The following NEK7 variants were observed in gnomAD, a reference collection of about 807,000 sequenced individuals.
NEK7 encodes the protein NIMA related kinase 7.
A neutral mutation model predicts 44.6 loss-of-function variants in NEK7; 18 were observed. That is an observed-to-expected ratio of 0.40 (90% CI 0.28 to 0.60). The LOEUF (loss-of-function observed/expected upper bound fraction) is 0.60, where lower values mean the gene tolerates loss of function less well. Ranked by LOEUF, NEK7 falls within the 20% of genes least tolerant of loss-of-function variation. The pLI is 0.38. For missense variants in NEK7, 256 were observed against 366.5 expected (o/e 0.70, Z 2.46); for synonymous variants, 130 against 121.1 (o/e 1.07, Z -0.48).
intron 9 of NEK7, among the ~76,000 whole-genome samples, chr1:198,309,036 A>G (rs560018626): frequency 3.9e-5 from 6 of 152,296 alleles, no homozygotes; most frequent in East Asian, 3.9e-4. Flanking sequence ...GAAAACAGAC[A>G]TTTAATGAAG....
intron 8 of NEK7, among the ~76,000 whole-genome samples, chr1:198,294,639 A>G (rs1654658298): frequency 6.6e-6 from 1 of 152,096 alleles, no homozygotes; most frequent in Admixed American, 6.5e-5. Context: ...AACTGAAATA[A>G]TTTATCACAT....
At chr1:198,301,043 A>G (rs1235964365) in intron 9 of NEK7, among the ~76,000 whole-genome samples, 2 of 152,226 alleles carry the variant, frequency 1.3e-5, no homozygotes, top group Non-Finnish European at 2.9e-5. Flanking sequence ...CTATTTGTTC[A>G]CAAACTTATC....
intron 1 of NEK7, among the ~76,000 whole-genome samples, chr1:198,167,444 A>G (rs1261122276): frequency 6.6e-6 from 1 of 152,206 alleles, no homozygotes; most frequent in African/African-American, 2.4e-5. Context: ...ATATGCACTC[A>G]TTAACATGAT....
chr1:198,227,686 C>T (rs1666267434), intron 1 of NEK7, among the ~76,000 whole-genome samples: 1 of 152,206 alleles, frequency 6.6e-6, no homozygotes, highest in African/African-American at 2.4e-5. Flanking sequence ...AGTGTCTGTT[C>T]ATATCCTTCG....
chr1:198,275,774 A>G (rs1654000107), intron 5 of NEK7, among the ~76,000 whole-genome samples: 1 of 151,460 alleles, frequency 6.6e-6, no homozygotes, highest in Non-Finnish European at 1.5e-5. Context: ...CTTTTAAGAG[A>G]TAGCCAACAG....
intron 1 of NEK7, among the ~76,000 whole-genome samples, chr1:198,231,071 A>G (rs1418403716): frequency 6.6e-6 from 1 of 151,564 alleles, no homozygotes; most frequent in Non-Finnish European, 1.5e-5. Flanking sequence ...TACAATTCGT[A>G]TTAAAATCAG....
intron 3 of NEK7, chr1:198,256,305 C>T: frequency 1.9e-6 from 3 of 1,586,464 alleles, no homozygotes; most frequent in Non-Finnish European, 2.6e-6. Context: ...AGGATGTGTT[C>T]AGCTCTGGCC....
chr1:198,315,091 A>G (rs538163722), intron 9 of NEK7, among the ~76,000 whole-genome samples: 2 of 152,126 alleles, frequency 1.3e-5, no homozygotes, highest in African/African-American at 2.4e-5. Context: ...GGGAGACTCC[A>G]TGGGCGTAGG....
chr1:198,288,072 G>A (rs1368236221), intron 7 of NEK7, among the ~76,000 whole-genome samples: 1 of 152,032 alleles, frequency 6.6e-6, no homozygotes, highest in African/African-American at 2.4e-5. Context: ...TTCATTTTTG[G>A]TGCCAGGTGC....
intron 1 of NEK7, among the ~76,000 whole-genome samples, chr1:198,213,997 G>A (rs182075829): frequency 4.6e-5 from 7 of 152,280 alleles, no homozygotes; most frequent in Admixed American, 3.9e-4. Flanking sequence ...CCCCACAGGA[G>A]TCAGTGAATC....
intron 1 of NEK7, among the ~76,000 whole-genome samples, chr1:198,189,923 A>T (rs1665026599): frequency 6.6e-6 from 1 of 152,134 alleles, no homozygotes; most frequent in Non-Finnish European, 1.5e-5. Flanking sequence ...TGATATTTTT[A>T]AAAAGAGAGG....
intron 2 of NEK7, among the ~76,000 whole-genome samples, chr1:198,243,349 C>T (rs545432196): frequency 4.6e-5 from 7 of 152,182 alleles, no homozygotes; most frequent in African/African-American, 1.4e-4. Context: ...ATATCCTCCC[C>T]CAGTAATATT....
At chr1:198,259,220 T>C (rs1407518393) in intron 3 of NEK7, among the ~76,000 whole-genome samples, 2 of 152,200 alleles carry the variant, frequency 1.3e-5, no homozygotes, top group East Asian at 3.8e-4. Flanking sequence ...GTTTCTATCT[T>C]GATATGTTGT....
chr1:198,197,789 T>A, intron 1 of NEK7: 1 of 721,634 alleles, frequency 1.4e-6, no homozygotes. Context: ...TCAGTCAGAG[T>A]CACTGATGGA....
rs561588710 is a variant in NEK7 at position 198,215,679 on chromosome 1, G to A, written c.-28-16874G>A. Among the ~76,000 whole-genome samples, 18 of 151,858 alleles carry A rather than the reference G, an allele frequency of 1.2e-4. 1 individual carries two copies. The highest frequency in any genetic ancestry group is 1.2e-4 in the Non-Finnish European group (8 of 67,948). Reference sequence around the variant, plus strand: ...TTCAGGAGACACACCTAACACGTGAGGATTCTTATGGACTTAAGGTAAAGG... The same window carrying A: ...TTCAGGAGACACACCTAACACGTGAAGATTCTTATGGACTTAAGGTAAAGG... On this transcript the variant is annotated intron_variant, in intron 1 of 9. Coordinates refer to ENST00000367385, the MANE Select transcript of NEK7 (RefSeq NM_133494.3).
intron 5 of NEK7, 137 bp downstream of exon 5, chr1:198,264,372 A>G (rs1165830937): frequency 4.9e-6 from 3 of 616,900 alleles, no homozygotes; most frequent in African/African-American, 2.0e-5. Flanking sequence ...TATGTAACAA[A>G]TAGTAGATGG....
rs116247582 is a variant in NEK7 at position 198,253,043 on chromosome 1, G to T, written c.61G>T (p.Ala21Ser). ...PPVPQFQPQK[A>S]LRPDMGYNTL... is the part of the protein sequence containing the mutation. ...TTTCTGACATTTTTAATTACAGAAG[G>T]CCTTACGACCGGATATGGGCTATAA... The change falls in exon 3 of 10, where the codon GCC becomes TCC. Residue 21 changes from alanine to serine, a missense_variant. Physicochemically the swap from Ala to Ser is moderately conservative, Grantham distance 99. This residue lies in a region of NEK7 where 96 missense variants were observed against 94.9 expected (regional missense o/e 1.01). Transcript: ENST00000367385. 113 of 1,602,412 alleles carry T rather than the reference G, an allele frequency of 7.1e-5. No individual in the cohort carries two copies. Among genetic ancestry groups the T allele is most frequent in the Middle Eastern group, 6.7e-4 (4 of 5,996 alleles).
chr1:198,223,817 T>G (rs914342804), intron 1 of NEK7, among the ~76,000 whole-genome samples: 1 of 152,180 alleles, frequency 6.6e-6, no homozygotes, highest in Non-Finnish European at 1.5e-5. Context: ...TGATGTTGAT[T>G]AATGTGATTT....
chr1:198,279,184 C>T, intron 7 of NEK7, 123 bp downstream of exon 7: 2 of 583,608 alleles, frequency 3.4e-6, no homozygotes, highest in South Asian at 2.3e-5. Flanking sequence ...ATCACCAGGT[C>T]CTGAACAGAT....
Sources: gnomAD v4.1 joint callset for allele counts (sites outside exome capture counted in the v4.1 genomes callset) on GRCh38, gnomAD v4.1.1 for gene constraint, gnomAD v4.1.1 regional missense constraint, MANE v1.5 for transcripts, NCBI Gene and HGNC (gene_info 2026-07-23, HGNC 2026-07-21) for gene names.